The following PDE3A variants were observed in gnomAD, a reference collection of about 807,000 sequenced individuals.
The protein encoded by PDE3A is phosphodiesterase 3A.
A neutral mutation model predicts 98.3 loss-of-function variants in PDE3A; 43 were observed. The observed-to-expected ratio is 0.44, with a 90% CI of 0.34 to 0.56. The LOEUF (loss-of-function observed/expected upper bound fraction) is 0.56. PDE3A is among the 20% of genes least tolerant of loss of function. The pLI, the probability that PDE3A is intolerant of heterozygous loss-of-function variation, is 0.01. For missense variants in PDE3A, 1,427 were observed against 1,440.7 expected (o/e 0.99, Z 0.15); for synonymous variants, 663 against 567.9 (o/e 1.17, Z -2.38).
At chr12:20,442,333 A>G (rs191504230) in intron 1 of PDE3A, among the ~76,000 whole-genome samples, 1 of 152,336 alleles carries the variant, frequency 6.6e-6, no homozygotes, top group East Asian at 1.9e-4. Context: ...ATGGCTTACA[A>G]CAAAAAAGAT....
At chr12:20,616,734 T>C (rs963608448) in intron 4 of PDE3A, among the ~76,000 whole-genome samples, 1 of 152,000 alleles carries the variant, frequency 6.6e-6, no homozygotes, top group Non-Finnish European at 1.5e-5. Context: ...AACTTGACAT[T>C]TGCATTTGAT....
chr12:20,379,612 G>A (rs1943629030), intron 1 of PDE3A, among the ~76,000 whole-genome samples: 1 of 151,692 alleles, frequency 6.6e-6, no homozygotes, highest in Non-Finnish European at 1.5e-5. Context: ...TGGCTGGATG[G>A]TAGGAAAAAT....
chr12:20,654,296 C>T lies in PDE3A; in HGVS notation c.3184+91C>T, dbSNP rs558333317. ...TATGCTTCTTATGAAATACACAATA[C>T]TTCAAGTCTAAACATCATTTGCGGA... On this transcript the variant is annotated intron_variant, in intron 15 of 15. Coordinates refer to ENST00000359062, the MANE Select transcript of PDE3A (RefSeq NM_000921.5). The T allele has an allele frequency of 4.9e-6, 6 of 1,218,040 alleles. No individual in the cohort carries two copies. In the South Asian group the frequency reaches 8.5e-5, roughly 17 times the overall value. 75.5% of individuals were successfully genotyped at this position (1,218,040 alleles called of 1,614,324 possible).
At chr12:20,574,793 A>C (rs976745633) in intron 2 of PDE3A, among the ~76,000 whole-genome samples, 30 of 151,988 alleles carry the variant, frequency 2.0e-4, no homozygotes, top group African/African-American at 7.0e-4. Context: ...CTAATATAGC[A>C]ATATGTAGCA....
chr12:20,423,468 A>G (rs1944553798), intron 1 of PDE3A, among the ~76,000 whole-genome samples: 1 of 152,226 alleles, frequency 6.6e-6, no homozygotes, highest in South Asian at 2.1e-4. Context: ...CTTCTTTTTA[A>G]CAGTACACTT....
intron 1 of PDE3A, among the ~76,000 whole-genome samples, chr12:20,459,209 A>G (rs1478029908): frequency 6.6e-6 from 1 of 152,172 alleles, no homozygotes; most frequent in Non-Finnish European, 1.5e-5. Flanking sequence ...GGTAGAAAAT[A>G]TAAGACATCT....
chr12:20,511,554 C>T (rs934108015), intron 1 of PDE3A, among the ~76,000 whole-genome samples: 10 of 151,940 alleles, frequency 6.6e-5, no homozygotes, highest in African/African-American at 2.4e-4. Context: ...TAGATTATAA[C>T]CCAAAGTATA....
intron 1 of PDE3A, among the ~76,000 whole-genome samples, chr12:20,458,666 G>GC (rs776122170): frequency 1.3e-5 from 2 of 152,002 alleles, no homozygotes; most frequent in Non-Finnish European, 2.9e-5. Flanking sequence ...GCAAAAGAAA[G>GC]CCCCCCAGAG....
chr12:20,422,848 A>G (rs781150012), intron 1 of PDE3A, among the ~76,000 whole-genome samples: 11 of 152,226 alleles, frequency 7.2e-5, no homozygotes, highest in Non-Finnish European at 1.5e-4. Context: ...TCTTAAAACT[A>G]TAAAACTTGA....
intron 1 of PDE3A, among the ~76,000 whole-genome samples, chr12:20,452,718 AC>A (rs1329292609): frequency 2.6e-5 from 4 of 152,212 alleles, no homozygotes; most frequent in African/African-American, 9.6e-5. Flanking sequence ...GAATTGTGCA[AC>A]AGTCACCCTT....
intron 1 of PDE3A, among the ~76,000 whole-genome samples, chr12:20,392,344 A>G (rs1943931801): frequency 6.6e-6 from 1 of 151,936 alleles, no homozygotes; most frequent in African/African-American, 2.4e-5. Context: ...TGACAAATTT[A>G]TAACTATCAC....
intron 6 of PDE3A, 106 bp downstream of exon 6, chr12:20,630,233 A>G: frequency 4.0e-6 from 3 of 748,858 alleles, no homozygotes; most frequent in Non-Finnish European, 7.1e-6. Context: ...TTGCCAAAGT[A>G]TTAGACAACC....
At chr12:20,513,506 C>T (rs1946264548) in intron 1 of PDE3A, among the ~76,000 whole-genome samples, 1 of 151,990 alleles carries the variant, frequency 6.6e-6, no homozygotes, top group South Asian at 2.1e-4. Context: ...AGGTGTTAGC[C>T]CTTGGGATGG....
intron 1 of PDE3A, among the ~76,000 whole-genome samples, chr12:20,439,744 A>C (rs1254984073): frequency 1.3e-5 from 2 of 152,146 alleles, no homozygotes; most frequent in Non-Finnish European, 2.9e-5. Context: ...TCTGCTTCTT[A>C]TTATAACTTT....
intron 2 of PDE3A, among the ~76,000 whole-genome samples, chr12:20,590,757 A>G (rs748590060): frequency 9.2e-5 from 14 of 152,310 alleles, no homozygotes; most frequent in Admixed American, 3.3e-4. Context: ...GTACAAAGAT[A>G]TGCAGATAGA....
intron 1 of PDE3A, among the ~76,000 whole-genome samples, chr12:20,440,724 A>G (rs1944857386): frequency 6.6e-6 from 1 of 152,156 alleles, no homozygotes; most frequent in African/African-American, 2.4e-5. Flanking sequence ...ATCCTTATCT[A>G]GTTTGTGAAA....
At chr12:20,411,032 C>A (rs1944324146) in intron 1 of PDE3A, among the ~76,000 whole-genome samples, 1 of 152,162 alleles carries the variant, frequency 6.6e-6, no homozygotes, top group African/African-American at 2.4e-5. Context: ...ATAGCAGCAC[C>A]ATTTACCCCA....
chr12:20,621,993 G>A (rs1592121285), intron 5 of PDE3A, among the ~76,000 whole-genome samples: 1 of 152,044 alleles, frequency 6.6e-6, no homozygotes, highest in East Asian at 1.9e-4. Context: ...AAGAACCTGG[G>A]AGATTTCCTC....
At chr12:20,580,197 G>A (rs1943032595) in intron 2 of PDE3A, among the ~76,000 whole-genome samples, 1 of 152,162 alleles carries the variant, frequency 6.6e-6, no homozygotes, top group African/African-American at 2.4e-5. Flanking sequence ...TTCTGTGCCA[G>A]TTTAAATAAT....
Sources: allele counts gnomAD v4.1 joint callset (sites outside exome capture counted in the v4.1 genomes callset), GRCh38; gene constraint gnomAD v4.1.1; transcripts MANE v1.5; gene names NCBI Gene and HGNC (gene_info 2026-07-23, HGNC 2026-07-21).